The following PEAK1 variants were observed in gnomAD, a reference collection of about 807,000 sequenced individuals.
The protein encoded by PEAK1 is pseudopodium enriched atypical kinase 1.
Under a neutral mutation model 124.7 loss-of-function variants are expected in PEAK1, and 54 were observed. That is an observed-to-expected ratio of 0.43 (90% CI 0.35 to 0.54). The LOEUF is 0.54. Ranked by LOEUF, PEAK1 falls within the 20% of genes least tolerant of loss-of-function variation. PEAK1 has a pLI of 0.01. For synonymous variants in PEAK1, 719 were observed against 760.0 expected, an observed-to-expected ratio of 0.95 and a Z score of 0.89; for missense variants, 2,046 against 2,134.5, an observed-to-expected ratio of 0.96 and a Z score of 0.82.
intron 1 of PEAK1, chr15:77,402,670 G>A (rs1000922151): frequency 4.4e-5 from 43 of 985,074 alleles, no homozygotes; most frequent in South Asian, 1.9e-4. Flanking sequence ...ATAGTGTATC[G>A]TTTAGTTAAT....
intron 8 of PEAK1, among the ~76,000 whole-genome samples, chr15:77,139,696 C>G (rs543855071): frequency 6.6e-6 from 1 of 152,216 alleles, no homozygotes; most frequent in East Asian, 1.9e-4. Context: ...TAAGCTACAG[C>G]AATATATATT....
At chr15:77,420,224 G>C (rs1278531959), upstream of PEAK1, 3 of 149,974 alleles carry the variant, frequency 2.0e-5, no homozygotes, top group Non-Finnish European at 4.5e-5. Flanking sequence ...GCCCCTCCGC[G>C]CGCGCCCTCG....
At chr15:77,303,228 C>A (rs2063884299) in intron 2 of PEAK1, among the ~76,000 whole-genome samples, 1 of 152,074 alleles carries the variant, frequency 6.6e-6, no homozygotes, top group South Asian at 2.1e-4. Flanking sequence ...CATTTGTGTA[C>A]AGGTCTTGTG....
chr15:77,328,665 T>C (rs2065720179), intron 2 of PEAK1, among the ~76,000 whole-genome samples: 1 of 152,194 alleles, frequency 6.6e-6, no homozygotes, highest in Non-Finnish European at 1.5e-5. Flanking sequence ...CATGACAATG[T>C]TGGGATTCAA....
intron 2 of PEAK1, among the ~76,000 whole-genome samples, chr15:77,322,664 G>A (rs569345957): frequency 2.7e-4 from 41 of 152,228 alleles, no homozygotes; most frequent in African/African-American, 9.6e-4. Flanking sequence ...AAAAGTCCAG[G>A]ACCAGATGGA....
rs563241523 is a variant in PEAK1 at position 77,403,134 on chromosome 15, A to G, written c.-666+16872T>C. The G allele has an allele frequency of 1.4e-4, 137 of 985,332 alleles. 1 individual carries two copies. The South Asian group carries it at 5.5e-3, about 40-fold the overall frequency. 61.0% of individuals were successfully genotyped at this position (985,332 alleles called of 1,614,324 possible). A position where few individuals can be genotyped will look rare whatever the true frequency, so the allele number is the denominator to read the frequency against. ...GGAGCCTTTTCTGGTTACTAGAACC[A>G]TATTACAGGATTTAAAATACTGCTA... On this transcript the variant is annotated intron_variant, in intron 1 of 9. Coordinates refer to ENST00000682557, the MANE Select transcript of PEAK1 (RefSeq NM_001385026.1).
chr15:77,254,134 A>G (rs767370009), intron 5 of PEAK1, among the ~76,000 whole-genome samples: 2 of 152,126 alleles, frequency 1.3e-5, no homozygotes, highest in Non-Finnish European at 2.9e-5. Context: ...TTTGGACTTT[A>G]GTAGTGCGAC....
At chr15:77,356,090 A>T (rs996628265) in intron 2 of PEAK1, 7 of 247,232 alleles carry the variant, frequency 2.8e-5, no homozygotes, top group African/African-American at 1.6e-4. Flanking sequence ...ATAAAAATTC[A>T]GAACAGTGGT....
intron 2 of PEAK1, chr15:77,338,107 C>CA (rs571733937): frequency 3.7e-4 from 365 of 983,924 alleles, no homozygotes; most frequent in Non-Finnish European, 4.3e-4. Flanking sequence ...GGTAAATAAG[C>CA]AATGATAATC....
At chr15:77,375,893 G>C (rs769248523) in intron 1 of PEAK1, among the ~76,000 whole-genome samples, 3 of 152,080 alleles carry the variant, frequency 2.0e-5, no homozygotes, top group Non-Finnish European at 4.4e-5. Context: ...CAGCTACTCG[G>C]GAGGCTGAGG....
intron 1 of PEAK1, among the ~76,000 whole-genome samples, chr15:77,384,094 T>G (rs2069713020): frequency 6.6e-6 from 1 of 152,164 alleles, no homozygotes; most frequent in African/African-American, 2.4e-5. Flanking sequence ...TTTCCCTTAT[T>G]TACCTGAGGG....
intron 2 of PEAK1, among the ~76,000 whole-genome samples, chr15:77,299,526 C>A (rs1361078765): frequency 6.6e-6 from 1 of 152,174 alleles, no homozygotes; most frequent in Non-Finnish European, 1.5e-5. Context: ...GTAGCAAAGG[C>A]ATCCAATAGG....
In PEAK1 at chr15:77,108,534, C is replaced by G. The variant is rs1344017142; in HGVS notation, c.*5622G>C. On this transcript the variant is annotated 3_prime_UTR_variant, in exon 10 of 10. Transcript: ENST00000682557. ...CATACATCACACTCTTTAGTTCTAA[C>G]TGGTAAAGGAAGGGATAACCAAGTA... 1 of 152,208 alleles carries G rather than the reference C, an allele frequency of 6.6e-6. No individual in the cohort carries two copies. Among genetic ancestry groups the G allele is most frequent in the Non-Finnish European group, 1.5e-5 (1 of 68,028 alleles). 9.4% of individuals were successfully genotyped at this position (152,208 alleles called of 1,614,324 possible).
intron 6 of PEAK1, among the ~76,000 whole-genome samples, chr15:77,245,205 A>G (rs1264106194): frequency 6.6e-6 from 1 of 152,088 alleles, no homozygotes; most frequent in Non-Finnish European, 1.5e-5. Flanking sequence ...ATGGATGCCT[A>G]TTACCTGGGC....
intron 5 of PEAK1, 27 bp downstream of exon 5, chr15:77,283,856 A>G: frequency 1.0e-6 from 1 of 962,696 alleles, no homozygotes; most frequent in Non-Finnish European, 1.2e-6. Flanking sequence ...ATCAACTCAT[A>G]GACCTTATTA....
In PEAK1 at chr15:77,323,919, C is replaced by G. The variant is rs565630740; in HGVS notation, c.-602-37415G>C. On this transcript the variant is annotated intron_variant, in intron 2 of 9. Coordinates refer to ENST00000682557, the MANE Select transcript of PEAK1 (RefSeq NM_001385026.1). ...CTACAGTTACCAAAACAATATGGTA[C>G]TGGTACCAAAACAGAGATACAGACC... is the stretch of plus-strand genomic sequence containing the variant. Among the ~76,000 whole-genome samples, 59 of 152,306 alleles carry G rather than the reference C, an allele frequency of 3.9e-4. No individual in the cohort carries two copies. The South Asian group carries it at 0.011, about 27-fold the overall frequency.
rs115462736 is a variant in PEAK1 at position 77,387,190 on chromosome 15, A to G, written c.-665-21965T>C. On this transcript the variant is annotated intron_variant, in intron 1 of 9. Transcript: ENST00000682557. ...CAATCTTGATAATCTTTTCTACAAA[A>G]ACACTTGCTCCCTTAAATTAATAAG... Among the ~76,000 whole-genome samples the G allele has an allele frequency of 3.6e-3, 544 of 152,300 alleles. 2 individuals carry two copies. The highest frequency in any genetic ancestry group is 0.012 in the African/African-American group (509 of 41,550).
intron 6 of PEAK1, among the ~76,000 whole-genome samples, chr15:77,189,475 G>C (rs1456986985): frequency 6.6e-6 from 1 of 152,154 alleles, no homozygotes; most frequent in Non-Finnish European, 1.5e-5. Context: ...GTCCACCATA[G>C]TGGAATTCCA....
At chr15:77,165,285 C>G (rs138293810) in intron 7 of PEAK1, among the ~76,000 whole-genome samples, 3 of 151,880 alleles carry the variant, frequency 2.0e-5, no homozygotes, top group Non-Finnish European at 4.4e-5. Flanking sequence ...ACCTCTGCCT[C>G]CCGGGTTCAA....
Sources: gnomAD v4.1 joint callset for allele counts (sites outside exome capture counted in the v4.1 genomes callset) on GRCh38, gnomAD v4.1.1 for gene constraint, MANE v1.5 for transcripts, NCBI Gene and HGNC (gene_info 2026-07-23, HGNC 2026-07-21) for gene names.